KDM4C: variants seen among roughly 807,000 people sequenced by gnomAD.
The protein encoded by KDM4C is lysine-specific demethylase 4C.
In KDM4C, 81 loss-of-function variants were observed where a neutral mutation model predicts 129.3. The observed-to-expected ratio is 0.63, with a 90% CI of 0.52 to 0.75. The LOEUF is 0.75. Ranked by LOEUF, KDM4C falls within the 30% of genes least tolerant of loss-of-function variation. KDM4C has a pLI of 0.00. For synonymous variants in KDM4C, 573 were observed against 456.1 expected (o/e 1.26, Z -3.26); for missense variants, 1,457 against 1,304.0 (o/e 1.12, Z -1.81).
At chr9:6,814,321 G>A (rs889454419) in intron 3 of KDM4C, among the ~76,000 whole-genome samples, 1 of 151,964 alleles carries the variant, frequency 6.6e-6, no homozygotes, top group South Asian at 2.1e-4. Context: ...GCATAGTATA[G>A]TTGATTAAAG....
chr9:6,943,072 G>T (rs972519594), intron 8 of KDM4C, among the ~76,000 whole-genome samples: 2 of 151,948 alleles, frequency 1.3e-5, no homozygotes, highest in African/African-American at 4.8e-5. Flanking sequence ...TCTTGCCATG[G>T]TTCCCTGGCT....
chr9:6,753,518 C>T (rs1673124978), upstream of KDM4C, among the ~76,000 whole-genome samples: 1 of 152,194 alleles, frequency 6.6e-6, no homozygotes. Flanking sequence ...AAGTGATCCT[C>T]CTGCCTCAGC....
In KDM4C at chr9:6,893,296, C is replaced by A. The variant is rs769331369; in HGVS notation, c.921+64C>A. ...GTATTCTGGTTATTTTAGTAGGAACCCTACGATCCTGTGCAGCATTTATTT... is the reference window on the plus strand; with the variant it reads ...GTATTCTGGTTATTTTAGTAGGAACACTACGATCCTGTGCAGCATTTATTT... On this transcript the variant is annotated intron_variant, in intron 8 of 21. Transcript: ENST00000381309. 8 of 1,344,130 alleles carry A rather than the reference C, an allele frequency of 6.0e-6. No individual in the cohort carries two copies. The Admixed American group carries it at 6.1e-5, about 10-fold the overall frequency. The allele number at this position is 1,344,130 out of a possible 1,614,324, so 83.3% of individuals were successfully genotyped here.
intron 12 of KDM4C, among the ~76,000 whole-genome samples, chr9:6,997,513 C>T (rs565859809): frequency 6.6e-6 from 1 of 152,224 alleles, no homozygotes; most frequent in Non-Finnish European, 1.5e-5. Context: ...GTTTATACCT[C>T]TTCTTCTAAG....
chr9:6,760,720 A>C (rs1819296816), intron 1 of KDM4C, among the ~76,000 whole-genome samples: 1 of 151,222 alleles, frequency 6.6e-6, no homozygotes, highest in South Asian at 2.1e-4. Context: ...ACAGGCACCC[A>C]CCACCATGCC....
chr9:6,839,681 A>T (rs1363330335), intron 4 of KDM4C, among the ~76,000 whole-genome samples: 1 of 152,026 alleles, frequency 6.6e-6, no homozygotes, highest in Non-Finnish European at 1.5e-5. Flanking sequence ...CCGAGGCAGG[A>T]GGATCACTTG....
intron 5 of KDM4C, among the ~76,000 whole-genome samples, chr9:6,866,814 G>C (rs111570493): frequency 0.014 from 2,097 of 150,590 alleles, 50 homozygotes; most frequent in African/African-American, 0.048. Context: ...TATTTGCTTG[G>C]AAGTTTTTTA....
chr9:7,133,517 T>A (rs1344877004), intron 19 of KDM4C, among the ~76,000 whole-genome samples: 2 of 152,216 alleles, frequency 1.3e-5, no homozygotes, highest in East Asian at 3.8e-4. Context: ...AAGTTCACAC[T>A]CATTTCACAG....
chr9:6,723,333 C>G, intron 1 of KDM4C, among the ~76,000 whole-genome samples: 1 of 152,028 alleles, frequency 6.6e-6, no homozygotes, highest in South Asian at 2.1e-4. Flanking sequence ...CGAGGTCACG[C>G]CACTGCACTC....
At chr9:7,093,129 G>A (rs769874738) in intron 17 of KDM4C, among the ~76,000 whole-genome samples, 19 of 152,104 alleles carry the variant, frequency 1.2e-4, no homozygotes, top group Non-Finnish European at 1.5e-5. Flanking sequence ...TGTAGATGGG[G>A]TGGTGTTACT....
chr9:6,929,954 C>G (rs1397503982), intron 8 of KDM4C, among the ~76,000 whole-genome samples: 1 of 151,996 alleles, frequency 6.6e-6, no homozygotes, highest in Non-Finnish European at 1.5e-5. Flanking sequence ...TTTTATTGAT[C>G]CCTTAAGGAT....
intron 8 of KDM4C, among the ~76,000 whole-genome samples, chr9:6,918,119 C>G (rs141368128): frequency 5.3e-5 from 8 of 152,172 alleles, no homozygotes; most frequent in African/African-American, 1.9e-4. Flanking sequence ...ATCTCATCAC[C>G]CAGGCAGTGA....
At chr9:6,847,069 A>T (rs1837969299) in intron 4 of KDM4C, among the ~76,000 whole-genome samples, 1 of 152,154 alleles carries the variant, frequency 6.6e-6, no homozygotes, top group Non-Finnish European at 1.5e-5. Context: ...AAGGGATTCA[A>T]CCCTGGTTAT....
intron 17 of KDM4C, among the ~76,000 whole-genome samples, chr9:7,072,517 A>T (rs1833346194): frequency 1.3e-5 from 2 of 152,182 alleles, no homozygotes; most frequent in African/African-American, 4.8e-5. Context: ...AAGATGCCTG[A>T]CTCAAAAGGC....
At chr9:7,019,004 T>A (rs1437959258) in intron 15 of KDM4C, among the ~76,000 whole-genome samples, 2 of 152,228 alleles carry the variant, frequency 1.3e-5, no homozygotes, top group Non-Finnish European at 2.9e-5. Context: ...GTAAGTGATC[T>A]GAATTCACAG....
At position 6,944,652 on chromosome 9, in the gene KDM4C, G is replaced by GTTTTTTTTTTTTTT. The variant is rs1158199897; in HGVS notation, c.922-36264_922-36251dup. Among the ~76,000 whole-genome samples, 254 of 80,996 alleles carry GTTTTTTTTTTTTTT rather than the reference G, an allele frequency of 3.1e-3. 41 individuals are homozygous for GTTTTTTTTTTTTTT. The highest frequency in any genetic ancestry group is 0.019 in the East Asian group (42 of 2,212). The allele number at this position is 80,996 out of a possible 152,430, so 53.1% of individuals were successfully genotyped here. A position where few individuals can be genotyped will look rare whatever the true frequency, so the allele number is the denominator to read the frequency against. On this transcript the variant is annotated intron_variant, in intron 8 of 21. Transcript: ENST00000381309. ...CAACACACTTTTTGTCAAGGTAGAG[G>GTTTTTTTTTTTTTT]TTTTTTTTTTTTTTTTTTTTTTGCC...
At chr9:6,979,156 C>T (rs1589429450) in intron 8 of KDM4C, among the ~76,000 whole-genome samples, 1 of 152,202 alleles carries the variant, frequency 6.6e-6, no homozygotes, top group Non-Finnish European at 1.5e-5. Context: ...AAGCTTTTTT[C>T]CCCCTTTTGT....
chr9:6,909,364 G>C (rs1457477764), intron 8 of KDM4C, among the ~76,000 whole-genome samples: 1 of 152,196 alleles, frequency 6.6e-6, no homozygotes, highest in Non-Finnish European at 1.5e-5. Context: ...AGGCTCTCAA[G>C]TGTAACACCT....
At chr9:6,908,116 TAA>T in intron 8 of KDM4C, among the ~76,000 whole-genome samples, 1 of 152,344 alleles carries the variant, frequency 6.6e-6, no homozygotes, top group East Asian at 1.9e-4. Context: ...GAGAAGATGA[TAA>T]AAATGGATGT....
Sources: allele counts gnomAD v4.1 joint callset (sites outside exome capture counted in the v4.1 genomes callset), GRCh38; gene constraint gnomAD v4.1.1; transcripts MANE v1.5; gene names NCBI Gene and HGNC (gene_info 2026-07-23, HGNC 2026-07-21).